TAF2: variants seen among roughly 807,000 people sequenced by gnomAD.
TAF2 encodes transcription initiation factor TFIID subunit 2.
A neutral mutation model predicts 138.5 loss-of-function variants in TAF2; 61 were observed. That is an observed-to-expected ratio of 0.44 (90% confidence interval 0.36 to 0.54). The LOEUF is 0.54. Among genes scored for constraint, TAF2 ranks in the 20% least tolerant of loss-of-function variants. TAF2 has a pLI of 0.00. For missense variants in TAF2, 1,090 were observed against 1,427.9 expected (o/e 0.76, Z 3.81); for synonymous variants, 475 against 469.9 (o/e 1.01, Z -0.14).
At chr8:119,823,686 G>C (rs909931722) in intron 2 of TAF2, among the ~76,000 whole-genome samples, 4 of 152,190 alleles carry the variant, frequency 2.6e-5, no homozygotes, top group African/African-American at 9.6e-5. Flanking sequence ...GTGGGGTGCT[G>C]ATAAAAAGTT....
rs896006761 is a variant in TAF2 at position 119,781,053 on chromosome 8, C to T, written c.2253G>A (p.Lys751=). ...FMSFQSYFLQ[K]TMPVAMALLR... ...GAGAAAATTAGAAAGTAAACTGTAC[C>T]TTCTGTAGAAAATAGCTTTGAAAGC... The change falls in exon 17 of 26, where the codon AAG becomes AAA. Residue 751 remains lysine (K), a splice_region_variant and synonymous_variant. Transcript: ENST00000378164. 4.3e-6 allele frequency: 7 copies of T among 1,611,916 alleles called. No individual in the cohort carries two copies. The highest frequency in any genetic ancestry group is 5.1e-6 in the Non-Finnish European group (6 of 1,179,588).
chr8:119,800,424 T>G, intron 6 of TAF2, among the ~76,000 whole-genome samples: 1 of 152,204 alleles, frequency 6.6e-6, no homozygotes, highest in East Asian at 1.9e-4. Flanking sequence ...TTCTTGTTTT[T>G]ATCAGGTTTG....
intron 20 of TAF2, among the ~76,000 whole-genome samples, chr8:119,758,787 G>A (rs920700407): frequency 2.0e-5 from 3 of 151,978 alleles, no homozygotes; most frequent in Admixed American, 2.0e-4. Context: ...TCTAACTTGA[G>A]TACCAGTATT....
At chr8:119,829,389 C>T (rs1826296610) in intron 2 of TAF2, among the ~76,000 whole-genome samples, 1 of 152,156 alleles carries the variant, frequency 6.6e-6, no homozygotes, top group Non-Finnish European at 1.5e-5. Context: ...CTAGTAACTT[C>T]CCCTTCCCGT....
intron 18 of TAF2, among the ~76,000 whole-genome samples, chr8:119,768,390 T>G (rs1028367092): frequency 6.6e-6 from 1 of 152,320 alleles, no homozygotes; most frequent in South Asian, 2.1e-4. Context: ...CACTGCATTT[T>G]CATGCCTCTT....
In TAF2 at chr8:119,742,578, G is replaced by A. The variant is rs1391556656; in HGVS notation, c.3293C>T (p.Thr1098Ile). The A allele has an allele frequency of 1.2e-6, 2 of 1,613,836 alleles. No individual in the cohort carries two copies. Among genetic ancestry groups the A allele is most frequent in the African/African-American group, 2.7e-5 (2 of 74,860 alleles). Residue 1098 changes from threonine (T) to isoleucine (I), a missense_variant, in exon 25 of 26, where the codon ACC becomes ATC. Physicochemically the swap from Thr to Ile is moderately conservative, Grantham distance 89. Around this residue, in one of 3 missense-constraint regions of TAF2, gnomAD observed 580 missense variants for 719.6 expected, o/e 0.81. Coordinates refer to ENST00000378164, the MANE Select transcript of TAF2 (RefSeq NM_003184.4). ...QHSAGCDSTPTTKPQWSLELA... is the reference protein window; with the variant it reads ...QHSAGCDSTPITKPQWSLELA... The stretch of plus-strand genomic sequence containing the variant: ...TTCCAAACTCCACTGGGGTTTTGTG[G>A]TGGGTGTGCTGTCACAGCCTGCTGA...
intron 16 of TAF2, among the ~76,000 whole-genome samples, chr8:119,782,548 T>C (rs936270972): frequency 2.0e-5 from 3 of 152,184 alleles, no homozygotes; most frequent in African/African-American, 4.8e-5. Context: ...TGTTGAAATA[T>C]AGGACATATG....
chr8:119,753,310 G>C (rs1820479810), intron 22 of TAF2, among the ~76,000 whole-genome samples: 1 of 151,402 alleles, frequency 6.6e-6, no homozygotes, highest in South Asian at 2.1e-4. Flanking sequence ...TATTACTTTT[G>C]CCATTAAATT....
At chr8:119,785,857 A>G (rs1822977143) in intron 14 of TAF2, among the ~76,000 whole-genome samples, 1 of 152,192 alleles carries the variant, frequency 6.6e-6, no homozygotes, top group African/African-American at 2.4e-5. Context: ...GAATACTCCA[A>G]ATGACATTCT....
chr8:119,776,738 T>C (rs983402712), intron 18 of TAF2, among the ~76,000 whole-genome samples: 4 of 152,182 alleles, frequency 2.6e-5, no homozygotes, highest in Non-Finnish European at 5.9e-5. Context: ...CTTGTGTCTT[T>C]GTATGTGCTG....
Position 119,789,574 on chromosome 8 carries a change from T to C in TAF2, c.1568+18A>G. On this transcript the variant is annotated intron_variant, in intron 12 of 25. Coordinates refer to ENST00000378164, the MANE Select transcript of TAF2 (RefSeq NM_003184.4). ...TATTCCCTTCCCCACTCTGTTGAAC[T>C]GCTATTGAAAAGGATACACCCACTG... is the stretch of plus-strand genomic sequence containing the variant. The C allele has an allele frequency of 6.2e-7, 1 of 1,612,696 alleles. No homozygotes were observed. Among genetic ancestry groups the C allele is most frequent in the Non-Finnish European group, 8.5e-7 (1 of 1,179,672 alleles).
chr8:119,746,834 C>A lies in TAF2; in HGVS notation c.2979G>T (p.Gly993=), dbSNP rs1336900986. The change falls in exon 23 of 26, where the codon GGG becomes GGT. Residue 993 remains glycine (G), a synonymous_variant. Coordinates refer to ENST00000378164, the MANE Select transcript of TAF2 (RefSeq NM_003184.4). Reference sequence around the variant, plus strand: ...TTTTCTCCTTTAGATTAAGAACCAACCCAAGCTCTGGCAAGGGTAAACAGG... The same window carrying A: ...TTTTCTCCTTTAGATTAAGAACCAAACCAAGCTCTGGCAAGGGTAAACAGG... The part of the protein sequence containing the change: ...RPSCLPLPEL[G]LVLNLKEKKA... 6.2e-7 allele frequency: 1 copy of A among 1,613,950 alleles called. No homozygotes were observed. Among genetic ancestry groups the A allele is most frequent in the Non-Finnish European group, 8.5e-7 (1 of 1,180,030 alleles).
Position 119,731,987 on chromosome 8 carries a change from C to G in TAF2, c.3537G>C (p.Glu1179Asp). 1 of 1,614,180 alleles carries G rather than the reference C, an allele frequency of 6.2e-7. No homozygotes were observed. The highest frequency in any genetic ancestry group is 1.1e-5 in the South Asian group (1 of 91,076). ...TGGCAGGGCTGGAGAAAGTGAAAGG[C>G]TCCTTGTCCTTTTCTTTACTGTCAT... is the stretch of plus-strand genomic sequence containing the variant. ...HKHDSKEKDK[E>D]PFTFSSPASG... is the part of the protein sequence containing the mutation. Residue 1179 changes from glutamate (E) to aspartate (D), a missense_variant, in exon 26 of 26, where the codon GAG becomes GAC. Transcript: ENST00000378164.
intron 5 of TAF2, among the ~76,000 whole-genome samples, 188 bp downstream of exon 5, chr8:119,803,690 T>TG (rs1215767773): frequency 8.4e-6 from 1 of 119,122 alleles, no homozygotes; most frequent in Non-Finnish European, 1.7e-5. Flanking sequence ...CAAGACTGTC[T>TG]GAAAAAAAAA....
intron 2 of TAF2, among the ~76,000 whole-genome samples, chr8:119,820,804 A>G (rs749193232): frequency 2.6e-5 from 4 of 152,236 alleles, no homozygotes; most frequent in South Asian, 2.1e-4. Context: ...CAATCAGCAC[A>G]TATCTGTGAG....
At chr8:119,744,808 C>T (rs1819844310) in intron 23 of TAF2, 3 of 422,582 alleles carry the variant, frequency 7.1e-6, no homozygotes, top group Admixed American at 2.6e-5. Flanking sequence ...AAAACCACTG[C>T]AAGTATTCAA....
chr8:119,731,804 G>C lies in TAF2; in HGVS notation c.*120C>G. 1 of 971,654 alleles carries C rather than the reference G, an allele frequency of 1.0e-6. No individual in the cohort carries two copies. The allele number at this position is 971,654 out of a possible 1,614,324, so 60.2% of individuals were successfully genotyped here. A position where few individuals can be genotyped will look rare whatever the true frequency, so the allele number is the denominator to read the frequency against. ...AATGCTTAGAACTTAAATGAATTCA[G>C]AATTTCTGTAGGAGAGGCGAATCCT... On this transcript the variant is annotated 3_prime_UTR_variant, in exon 26 of 26. Coordinates refer to ENST00000378164, the MANE Select transcript of TAF2 (RefSeq NM_003184.4).
At chr8:119,758,316 A>G (rs753170885) in intron 20 of TAF2, among the ~76,000 whole-genome samples, 174 bp from the exon 21 acceptor site, 2 of 152,186 alleles carry the variant, frequency 1.3e-5, no homozygotes, top group African/African-American at 2.4e-5. Context: ...GCCACTTTGT[A>G]ACTTTTATAA....
chr8:119,750,569 A>G (rs1471519499), intron 22 of TAF2, among the ~76,000 whole-genome samples: 3 of 152,050 alleles, frequency 2.0e-5, no homozygotes, highest in East Asian at 3.9e-4. Context: ...CAGCAAACTC[A>G]TTTCTATTTA....
Sources: allele counts gnomAD v4.1 joint callset (sites outside exome capture counted in the v4.1 genomes callset), GRCh38; gene constraint gnomAD v4.1.1; regional missense constraint gnomAD v4.1.1; transcripts MANE v1.5; gene names NCBI Gene and HGNC (gene_info 2026-07-23, HGNC 2026-07-21).